Variants in PIEZO1 observed in about 807,000 individuals in gnomAD.
The protein encoded by PIEZO1 is piezo type mechanosensitive ion channel component 1 (Er blood group), also known as piezo-type mechanosensitive ion channel component 1.
Under a neutral mutation model 297.2 loss-of-function variants are expected in PIEZO1, and 296 were observed. The observed-to-expected ratio is 1.00, with a 90% CI of 0.91 to 1.10. PIEZO1 has a LOEUF of 1.10. Among genes scored for constraint, PIEZO1 ranks in the 50% least tolerant of loss-of-function variants. PIEZO1 has a pLI of 0.00. For synonymous variants in PIEZO1, 2,427 were observed against 1,507.5 expected (o/e 1.61, Z -14.13); for missense variants, 5,018 against 3,455.5 (o/e 1.45, Z -11.34).
chr16:88,741,988 C>T (rs1397206764), intron 4 of PIEZO1, 65 bp downstream of exon 4: 9 of 1,502,038 alleles, frequency 6.0e-6, no homozygotes, highest in Non-Finnish European at 8.0e-6. Flanking sequence ...TGGGTCCCCC[C>T]ACTTCCTGGG....
At position 88,719,886 on chromosome 16, in the gene PIEZO1, T is replaced by G; in HGVS notation, c.6239A>C (p.Gln2080Pro). ...KCIYFALSAY[Q>P]IRCGYPTRIL... ...GCGGGTGGGGTAGCCGCAGCGGATC[T>G]GGTAGGCGGACAGGGCGAAGTAGAT... Residue 2080 changes from glutamine (Q) to proline (P), a missense_variant, in exon 43 of 51, where the codon CAG (glutamine) becomes CCG (proline). By Grantham distance (76) the Gln-to-Pro change is moderately conservative. Transcript: ENST00000301015. 6.4e-7 allele frequency: 1 copy of G among 1,550,526 alleles called. No homozygotes were observed. The highest frequency in any genetic ancestry group is 8.7e-7 in the Non-Finnish European group (1 of 1,146,944).
chr16:88,717,177 T>A lies in PIEZO1; in HGVS notation c.6506A>T (p.Lys2169Met), dbSNP rs1311091527. 8.4e-6 allele frequency: 13 copies of A among 1,544,140 alleles called. 1 individual carries two copies. The highest frequency in any genetic ancestry group is 1.4e-5 in the African/African-American group (1 of 72,966). ...GCCACCCATGCCGTACTTGACGATC[T>A]TCTTCTTCTTCTGCCCTTTGGGCTG... Reference protein sequence around the residue: ...YPQPKGQKKKKIVKYGMGGLI... With the variant: ...YPQPKGQKKKMIVKYGMGGLI... The change falls in exon 45 of 51, where the codon AAG (lysine) becomes ATG (methionine). Residue 2169 changes from lysine to methionine, a missense_variant. Coordinates refer to ENST00000301015, the MANE Select transcript of PIEZO1 (RefSeq NM_001142864.4).
In PIEZO1 at chr16:88,727,076, C is replaced by A; in HGVS notation, c.3418G>T (p.Gly1140Trp). 1 of 1,549,556 alleles carries A rather than the reference C, an allele frequency of 6.5e-7. No individual in the cohort carries two copies. The highest frequency in any genetic ancestry group is 8.7e-7 in the Non-Finnish European group (1 of 1,146,398). ...VNTDRLEPLR[G>W]EPNPVPNFIH... Reference sequence around the variant, plus strand: ...AAGTTGGGCACGGGGTTGGGCTCCCCCCGCAGCGGCTCCAGGCGGTCGGTG... The same window carrying A: ...AAGTTGGGCACGGGGTTGGGCTCCCACCGCAGCGGCTCCAGGCGGTCGGTG... Residue 1140 changes from glycine to tryptophan, a missense_variant, in exon 24 of 51, where the codon GGG (glycine) becomes TGG (tryptophan). Physicochemically the swap from Gly to Trp is radical, Grantham distance 184. Transcript: ENST00000301015.
At chr16:88,756,730 T>G (rs1222558596) in intron 1 of PIEZO1, among the ~76,000 whole-genome samples, 1 of 151,450 alleles carries the variant, frequency 6.6e-6, no homozygotes, top group African/African-American at 2.4e-5. Flanking sequence ...ATTATGTCAC[T>G]GCACTCCAGC....
At chr16:88,729,805 G>A (rs1904679809) in intron 22 of PIEZO1, among the ~76,000 whole-genome samples, 4 of 145,110 alleles carry the variant, frequency 2.8e-5, no homozygotes, top group Admixed American at 2.7e-4. Context: ...AGCCCCATCT[G>A]CCACAGAGGG....
chr16:88,741,492 G>C lies in PIEZO1; in HGVS notation c.451C>G (p.His151Asp). 2 of 1,535,402 alleles carry C rather than the reference G, an allele frequency of 1.3e-6. No individual in the cohort carries two copies. Among genetic ancestry groups the C allele is most frequent in the South Asian group, 2.4e-5 (2 of 84,044 alleles). ...RLARNTRQSP[H>D]PRELDDDERD... ...GCTGCCCTCACCAGCTCCCGTGGAT[G>C]TGGGCTCTGCCGGGTGTTCCTTGCA... Residue 151 changes from histidine to aspartate, a missense_variant, in exon 5 of 51, where the codon CAT becomes GAT. Coordinates refer to ENST00000301015, the MANE Select transcript of PIEZO1 (RefSeq NM_001142864.4).
Position 88,722,808 on chromosome 16 carries a change from G to A in PIEZO1, c.4668+29C>T, listed in dbSNP as rs1477224301. Reference sequence around the variant, plus strand: ...GCAGGGGCGTAGTCAGGCAGAGCAGGGACGAGCGTGGTGCACGGGCAGGCT... The same window carrying A: ...GCAGGGGCGTAGTCAGGCAGAGCAGAGACGAGCGTGGTGCACGGGCAGGCT... On this transcript the variant is annotated intron_variant, in intron 34 of 50. Coordinates refer to ENST00000301015, the MANE Select transcript of PIEZO1 (RefSeq NM_001142864.4). 2.6e-6 allele frequency: 4 copies of A among 1,539,372 alleles called. No individual in the cohort carries two copies. The South Asian group carries it at 4.8e-5, about 18-fold the overall frequency.
Position 88,721,554 on chromosome 16 carries a change from T to C in PIEZO1, c.5387A>G (p.His1796Arg). The change falls in exon 38 of 51, where the codon CAC becomes CGC. Residue 1796 changes from histidine (H) to arginine (R), a missense_variant. Coordinates refer to ENST00000301015, the MANE Select transcript of PIEZO1 (RefSeq NM_001142864.4). ...DLVQLMALFF[H>R]RSQLLCYGLW... Reference sequence around the variant, plus strand: ...CACACTCACCAGCAGCTGGGAGCGGTGGAAGAAAAGGGCCATGAGCTGCAC... The same window carrying C: ...CACACTCACCAGCAGCTGGGAGCGGCGGAAGAAAAGGGCCATGAGCTGCAC... 1 of 1,548,532 alleles carries C rather than the reference T, an allele frequency of 6.5e-7. No individual in the cohort carries two copies. The highest frequency in any genetic ancestry group is 1.2e-5 in the South Asian group (1 of 83,946).
Position 88,726,434 on chromosome 16 carries a change from T to C in PIEZO1, c.3818A>G (p.Asp1273Gly), listed in dbSNP as rs570130189. The C allele has an allele frequency of 2.3e-5, 36 of 1,550,332 alleles. No homozygotes were observed. In the African/African-American group the frequency reaches 4.4e-4, roughly 19 times the overall value. The change falls in exon 27 of 51, where the codon GAC becomes GGC. Residue 1273 changes from aspartate to glycine, a missense_variant. By Grantham distance (94) the Asp-to-Gly change is moderately conservative (BLOSUM62 -1). Transcript: ENST00000301015. The part of the protein sequence containing the change: ...YYDPKEMMDR[D>G]QDCLLPVEEA... ...CTCCACAGGCAGCAGGCAGTCCTGG[T>C]CTCTGTCCATCATCTCCTTGGCTGC... is the stretch of plus-strand genomic sequence containing the variant.
In PIEZO1 at chr16:88,735,313, C is replaced by G. The variant is rs1407613468; in HGVS notation, c.1558-67G>C. 3.6e-6 allele frequency: 4 copies of G among 1,118,384 alleles called. No individual in the cohort carries two copies. In the African/African-American group the frequency reaches 4.7e-5, roughly 13 times the overall value. The allele number at this position is 1,118,384 out of a possible 1,614,324, so 69.3% of individuals were successfully genotyped here. On this transcript the variant is annotated intron_variant, in intron 12 of 50. Coordinates refer to ENST00000301015, the MANE Select transcript of PIEZO1 (RefSeq NM_001142864.4). ...GCACCCCTCCCACAGCCGGGGGACC[C>G]AGCACCCTCCTATAGCAGGGGGCAA...
At chr16:88,735,776 C>T (rs563805799) in intron 12 of PIEZO1, among the ~76,000 whole-genome samples, 1 of 152,378 alleles carries the variant, frequency 6.6e-6, no homozygotes, top group African/African-American at 2.4e-5. Flanking sequence ...GTGCATGGTG[C>T]CAATGGGCAG....
Position 88,721,215 on chromosome 16 carries a change from A to G in PIEZO1, c.5619T>C (p.Phe1873=), listed in dbSNP as rs1433038327. Residue 1873 remains phenylalanine (F), a synonymous_variant, in exon 39 of 51, where the codon TTT becomes TTC. Transcript: ENST00000301015. The part of the protein sequence containing the change: ...PRDTRRISLR[F]RRRKKEGPAR... ...CTGGGCCCTCCTTCTTCCTTCTTCT[A>G]AAACGTAGACTGATGCGCCTCGTAT... 9 of 1,531,006 alleles carry G rather than the reference A, an allele frequency of 5.9e-6. No individual in the cohort carries two copies. In the African/African-American group the frequency reaches 6.9e-5, roughly 12 times the overall value. The allele number at this position is 1,531,006 out of a possible 1,614,324, so 94.8% of individuals were successfully genotyped here.
In PIEZO1 at chr16:88,715,427, G is replaced by T; in HGVS notation, c.*178C>A. ...GGGGGACGGCAGCGCCACGCAGGCC[G>T]TGGGGACGCAGTGTCCTTCTCTGAC... is the stretch of plus-strand genomic sequence containing the variant. On this transcript the variant is annotated 3_prime_UTR_variant, in exon 51 of 51. Coordinates refer to ENST00000301015, the MANE Select transcript of PIEZO1 (RefSeq NM_001142864.4). 3.2e-6 allele frequency: 3 copies of T among 925,830 alleles called. No homozygotes were observed. The highest frequency in any genetic ancestry group is 4.8e-6 in the Non-Finnish European group (3 of 626,000). The allele number at this position is 925,830 out of a possible 1,614,324, so 57.4% of individuals were successfully genotyped here.
rs201746476 is a variant in PIEZO1, at chr16:88,715,700, G to T, written c.7471C>A (p.Arg2491=). ...AACTCCTCCTCCAGCTCCAGCTCCC[G>T]AGTCTCCCGCACCAGGAAGATGTCC... ...CQDIFLVRET[R]ELELEEELYA... The change falls in exon 51 of 51, where the codon CGG becomes AGG. Residue 2491 remains arginine, a synonymous_variant. Coordinates refer to ENST00000301015, the MANE Select transcript of PIEZO1 (RefSeq NM_001142864.4). 6.4e-7 allele frequency: 1 copy of T among 1,550,406 alleles called. No homozygotes were observed. The highest frequency in any genetic ancestry group is 8.7e-7 in the Non-Finnish European group (1 of 1,146,958).
chr16:88,725,920 G>A lies in PIEZO1; in HGVS notation c.3969-236C>T. ...GTCTGGTGGCACCCACCCCACCACA[G>A]CTGCAGGGAAGAAGGCAAAGCTGGC... On this transcript the variant is annotated intron_variant, in intron 27 of 50. Coordinates refer to ENST00000301015, the MANE Select transcript of PIEZO1 (RefSeq NM_001142864.4). The A allele has an allele frequency of 5.2e-6, 3 of 572,956 alleles. No homozygotes were observed. In the South Asian group the frequency reaches 6.5e-5, roughly 12 times the overall value. The allele number at this position is 572,956 out of a possible 1,614,324, so 35.5% of individuals were successfully genotyped here. A position where few individuals can be genotyped will look rare whatever the true frequency, so the allele number is the denominator to read the frequency against.
chr16:88,775,043 G>A (rs1022110444), intron 1 of PIEZO1, among the ~76,000 whole-genome samples: 2 of 152,226 alleles, frequency 1.3e-5, no homozygotes, highest in African/African-American at 2.4e-5. Flanking sequence ...CACCCAGGGA[G>A]GCCCCGGCCC....
chr16:88,722,439 C>A (rs767975491), intron 35 of PIEZO1, 42 bp from the exon 36 acceptor site: 1 of 1,470,172 alleles, frequency 6.8e-7, no homozygotes, highest in South Asian at 1.4e-5. Context: ...TGCTCTATGG[C>A]CTGACCCCAG....
chr16:88,738,677 C>T lies in PIEZO1; in HGVS notation c.525G>A (p.Thr175=), dbSNP rs953579556. Reference sequence around the variant, plus strand: ...GCCGTGACCTCCGTGTAGGGGCCAGCGTTGCTGCTTCCTGCAGCCCTGCCG... The same window carrying T: ...GCCGTGACCTCCGTGTAGGGGCCAGTGTTGCTGCTTCCTGCAGCCCTGCCG... ...SPTAGLQEAA[T]LAPTRRSRLA... is the part of the protein sequence containing the mutation. The change falls in exon 6 of 51, where the codon ACG becomes ACA. Residue 175 remains threonine, a synonymous_variant. Coordinates refer to ENST00000301015, the MANE Select transcript of PIEZO1 (RefSeq NM_001142864.4). The T allele has an allele frequency of 9.1e-6, 14 of 1,535,022 alleles. No individual in the cohort carries two copies. Among genetic ancestry groups the T allele is most frequent in the African/African-American group, 2.7e-5 (2 of 73,030 alleles).
At chr16:88,737,263 T>G in intron 10 of PIEZO1, 1 of 359,106 alleles carries the variant, frequency 2.8e-6, no homozygotes, top group Non-Finnish European at 5.2e-6. Context: ...CATAGCCACA[T>G]TCTCTGGGGA....
Sources: allele counts gnomAD v4.1 joint callset (sites outside exome capture counted in the v4.1 genomes callset), GRCh38; gene constraint gnomAD v4.1.1; transcripts MANE v1.5; gene names NCBI Gene and HGNC (gene_info 2026-07-23, HGNC 2026-07-21).